The following SHLD2 variants were observed in gnomAD, a reference collection of about 807,000 sequenced individuals.
SHLD2 encodes RINN1-REV7-interacting novel NHEJ regulator 2.
Under a neutral mutation model 73.2 loss-of-function variants are expected in SHLD2, and 30 were observed. The ratio of observed to expected loss-of-function variants is 0.41; its 90% CI spans 0.31 to 0.56. The LOEUF (loss-of-function observed/expected upper bound fraction) is 0.56. Ranked by LOEUF, SHLD2 falls within the 20% of genes least tolerant of loss-of-function variation. The probability of loss-of-function intolerance (pLI) is 0.28; values close to 1 mark genes in which losing one functional copy is unlikely to be tolerated. For missense variants in SHLD2, 745 were observed against 1,055.9 expected (o/e 0.71, Z 4.08); for synonymous variants, 285 against 370.1 (o/e 0.77, Z 2.64).
At chr10:87,154,192 A>G (rs1233828029) in intron 3 of SHLD2, 2 of 151,264 alleles carry the variant, frequency 1.3e-5, no homozygotes, top group African/African-American at 2.4e-5. Context: ...AACCTGGACC[A>G]GTTCACCCCT....
intron 2 of SHLD2, among the ~76,000 whole-genome samples, chr10:87,145,349 A>G (rs1845528962): frequency 6.6e-6 from 1 of 152,224 alleles, no homozygotes; most frequent in Non-Finnish European, 1.5e-5. Flanking sequence ...TCTTTAACCA[A>G]CAAGGGATAG....
chr10:87,164,451 C>T (rs1456904000), intron 4 of SHLD2, among the ~76,000 whole-genome samples: 5 of 151,954 alleles, frequency 3.3e-5, no homozygotes, highest in African/African-American at 1.2e-4. Flanking sequence ...CTGGATTTCA[C>T]CATGTTGCTC....
At position 87,170,497 on chromosome 10, in the gene SHLD2, A is replaced by G; in HGVS notation, c.1653A>G (p.Glu551=). ...QPEEYSSVVS[E]VVLQDLLAYV... is the part of the protein sequence containing the mutation. ...CCTTAGATTCCAGTGTAGTTAGTGAAGTTGTACTTCAAGACTTACTGGCAT... is the reference window on the plus strand; with the variant it reads ...CCTTAGATTCCAGTGTAGTTAGTGAGGTTGTACTTCAAGACTTACTGGCAT... The change falls in exon 5 of 10, where the codon GAA becomes GAG. Residue 551 remains glutamate (E), a synonymous_variant. Coordinates refer to ENST00000298786, the MANE Select transcript of SHLD2 (RefSeq NM_001330112.2). The G allele has an allele frequency of 6.3e-7, 1 of 1,593,906 alleles. No homozygotes were observed. The highest frequency in any genetic ancestry group is 8.5e-7 in the Non-Finnish European group (1 of 1,173,766).
intron 8 of SHLD2, among the ~76,000 whole-genome samples, chr10:87,183,246 G>A (rs1197040559): frequency 2.0e-5 from 3 of 152,166 alleles, no homozygotes; most frequent in Non-Finnish European, 4.4e-5. Context: ...TGAACAATAA[G>A]ATTATTTATT....
chr10:87,178,325 C>G (rs1384372595), intron 7 of SHLD2, among the ~76,000 whole-genome samples: 1 of 150,118 alleles, frequency 6.7e-6, no homozygotes, highest in East Asian at 2.0e-4. Context: ...ACTCTGCCTA[C>G]TACAGGAGAC....
rs186457024 is a variant in SHLD2 at position 87,120,717 on chromosome 10, T to A, written c.-6+23728T>A. On this transcript the variant is annotated intron_variant, in intron 2 of 9. Transcript: ENST00000298786. ...AGCTGTATTGAAGAGAGAATATTAA[T>A]GTTTGCGAAGTAAACTGAAAATATT... Among the ~76,000 whole-genome samples, 1,057 of 152,288 alleles carry A rather than the reference T, an allele frequency of 6.9e-3. 4 individuals carry two copies. Among genetic ancestry groups the A allele is most frequent in the Non-Finnish European group, 9.9e-3 (675 of 68,034 alleles).
chr10:87,095,015 A>T (rs1385332888), upstream of SHLD2: 3 of 146,990 alleles, frequency 2.0e-5, no homozygotes, highest in Non-Finnish European at 4.5e-5. Flanking sequence ...CGCTGGCGGC[A>T]GCGCGCGCCG....
chr10:87,098,826 A>C (rs537657080), intron 2 of SHLD2, among the ~76,000 whole-genome samples: 1 of 152,208 alleles, frequency 6.6e-6, no homozygotes, highest in African/African-American at 2.4e-5. Context: ...CCCAGGCTGG[A>C]GTGCGGTGGC....
rs1160896721 is a variant in SHLD2, at chr10:87,191,087, A to G, written c.*404A>G. ...CTTATCCCTACCTAAAAAACCGTCA[A>G]TGTGAAATCATTTCCTTGATTATAA... On this transcript the variant is annotated 3_prime_UTR_variant, in exon 10 of 10. Transcript: ENST00000298786. 1 of 211,890 alleles carries G rather than the reference A, an allele frequency of 4.7e-6. No homozygotes were observed. Among genetic ancestry groups the G allele is most frequent in the Non-Finnish European group, 9.5e-6 (1 of 105,516 alleles). The allele number at this position is 211,890 out of a possible 1,614,324, so 13.1% of individuals were successfully genotyped here.
intron 2 of SHLD2, among the ~76,000 whole-genome samples, chr10:87,110,391 C>T (rs1362739568): frequency 6.6e-6 from 1 of 152,102 alleles, no homozygotes; most frequent in Non-Finnish European, 1.5e-5. Flanking sequence ...GGGCGGATCA[C>T]AAGGTCAAGA....
intron 2 of SHLD2, among the ~76,000 whole-genome samples, chr10:87,144,532 CATCTT>C (rs991906609): frequency 4.6e-5 from 7 of 150,652 alleles, no homozygotes; most frequent in African/African-American, 1.5e-4. Flanking sequence ...GGAAAAAAAT[CATCTT>C]ATATCCTTTC....
intron 2 of SHLD2, among the ~76,000 whole-genome samples, chr10:87,132,723 G>A (rs1030595079): frequency 1.3e-5 from 2 of 152,048 alleles, no homozygotes; most frequent in African/African-American, 4.8e-5. Flanking sequence ...GTGGTGAGCC[G>A]AGATCGTAGC....
intron 7 of SHLD2, among the ~76,000 whole-genome samples, chr10:87,179,527 G>A (rs1215238128): frequency 1.3e-5 from 2 of 151,560 alleles, no homozygotes; most frequent in Non-Finnish European, 2.9e-5. Context: ...TCAGCCTCCC[G>A]AGTAGCTAGG....
intron 4 of SHLD2, among the ~76,000 whole-genome samples, chr10:87,163,393 G>A (rs1846961993): frequency 6.6e-6 from 1 of 152,024 alleles, no homozygotes; most frequent in South Asian, 2.1e-4. Context: ...GGATAGCAGG[G>A]GTCAGGAGGA....
intron 2 of SHLD2, chr10:87,115,261 G>A (rs1330834507): frequency 1.3e-5 from 2 of 152,194 alleles, no homozygotes; most frequent in Non-Finnish European, 2.9e-5. Context: ...ATGCTGGCCA[G>A]GCTGGTCTCG....
At chr10:87,173,897 A>G (rs1479213019) in intron 6 of SHLD2, among the ~76,000 whole-genome samples, 1 of 152,220 alleles carries the variant, frequency 6.6e-6, no homozygotes, top group Admixed American at 6.5e-5. Flanking sequence ...TTGTTCTTAC[A>G]AGTAATTGAA....
At chr10:87,100,642 TA>T (rs1396941876) in intron 2 of SHLD2, among the ~76,000 whole-genome samples, 22 of 152,156 alleles carry the variant, frequency 1.4e-4, no homozygotes. Flanking sequence ...TACGCCCAGC[TA>T]ATTTTTGTAT....
intron 8 of SHLD2, among the ~76,000 whole-genome samples, chr10:87,181,134 A>G (rs983375482): frequency 6.7e-6 from 1 of 150,026 alleles, no homozygotes; most frequent in African/African-American, 2.5e-5. Context: ...TAATCCCAGC[A>G]CTTTGGGAGG....
In SHLD2 at chr10:87,170,665, A is replaced by AC; in HGVS notation, c.1822dup (p.Leu608ProfsTer9). 1 of 1,603,030 alleles carries AC rather than the reference A, an allele frequency of 6.2e-7. No homozygotes were observed. Among genetic ancestry groups the AC allele is most frequent in the Non-Finnish European group, 8.5e-7 (1 of 1,176,168 alleles). On this transcript the variant is annotated frameshift_variant, in exon 5 of 10. Transcript: ENST00000298786. LOFTEE classifies it high-confidence loss of function. ...TACTAAGAGTTGTTGATTTCACTATACTGACAGGTAAATATTTTGACTGCC... is the reference window on the plus strand; with the variant it reads ...TACTAAGAGTTGTTGATTTCACTATACCTGACAGGTAAATATTTTGACTGCC...
Sources: gnomAD v4.1 joint callset for allele counts (sites outside exome capture counted in the v4.1 genomes callset) on GRCh38, gnomAD v4.1.1 for gene constraint, MANE v1.5 for transcripts, NCBI Gene and HGNC (gene_info 2026-07-23, HGNC 2026-07-21) for gene names.